The following KNTC1 variants were observed in gnomAD, a reference collection of about 807,000 sequenced individuals.
KNTC1 encodes the protein kinetochore-associated protein 1.
In KNTC1, 253 loss-of-function variants were observed where a neutral mutation model predicts 314.4. The ratio of observed to expected loss-of-function variants is 0.80; its 90% CI spans 0.73 to 0.89. The LOEUF (loss-of-function observed/expected upper bound fraction) is 0.89. Among genes scored for constraint, KNTC1 ranks in the 40% least tolerant of loss-of-function variants. KNTC1 has a pLI of 0.00. For missense variants in KNTC1, 2,475 were observed against 2,572.9 expected, an observed-to-expected ratio of 0.96 and a Z score of 0.82; for synonymous variants, 901 against 901.4, an observed-to-expected ratio of 1.00 and a Z score of 0.01.
intron 16 of KNTC1, among the ~76,000 whole-genome samples, chr12:122,553,127 A>G (rs890392926): frequency 1.3e-5 from 2 of 150,698 alleles, no homozygotes; most frequent in African/African-American, 2.5e-5. Flanking sequence ...ACTGCATTCT[A>G]TCCTGGGCAA....
intron 17 of KNTC1, 22 bp downstream of exon 17, chr12:122,557,531 C>G: frequency 6.2e-7 from 1 of 1,612,536 alleles, no homozygotes; most frequent in Non-Finnish European, 8.5e-7. Flanking sequence ...TTGTCACATA[C>G]TACAGTATTT....
intron 51 of KNTC1, among the ~76,000 whole-genome samples, chr12:122,606,460 C>T (rs1174384545): frequency 3.3e-5 from 5 of 151,958 alleles, no homozygotes; most frequent in African/African-American, 7.2e-5. Context: ...TCAGGTGATC[C>T]GCCCGCCTTG....
intron 6 of KNTC1, 58 bp downstream of exon 6, chr12:122,542,185 A>G: frequency 1.7e-6 from 2 of 1,183,078 alleles, no homozygotes; most frequent in Non-Finnish European, 2.3e-6. Context: ...TAGTTTTATT[A>G]ATGTAATAGT....
intron 18 of KNTC1, among the ~76,000 whole-genome samples, chr12:122,558,937 C>G (rs182946279): frequency 1.5e-3 from 230 of 152,248 alleles, no homozygotes; most frequent in African/African-American, 5.1e-3. Context: ...AGTCCCCCAG[C>G]TTCAGGAAAC....
At chr12:122,549,899 C>A in intron 13 of KNTC1, 35 bp downstream of exon 13, 1 of 1,158,432 alleles carries the variant, frequency 8.6e-7, no homozygotes, top group South Asian at 1.3e-5. Context: ...ATTCTTTTAA[C>A]TACTTTTTTC....
Position 122,572,985 on chromosome 12 carries a change from A to G in KNTC1, c.2068A>G (p.Asn690Asp), listed in dbSNP as rs1565971414. Residue 690 changes from asparagine (N) to aspartate (D), a missense_variant, in exon 25 of 64, where the codon AAT becomes GAT. Transcript: ENST00000333479. ...AGTATGTCAGCTAAGGACTTTGGTA[A>G]ATAACTTGCGAGAGTTGATCACGTT... ...EEVCQLRTLV[N>D]NLRELITLHR... is the part of the protein sequence containing the mutation. 1 of 1,607,194 alleles carries G rather than the reference A, an allele frequency of 6.2e-7. No homozygotes were observed. The highest frequency in any genetic ancestry group is 2.2e-5 in the East Asian group (1 of 44,792).
At chr12:122,574,554 T>G (rs1427577208) in intron 27 of KNTC1, among the ~76,000 whole-genome samples, 174 bp downstream of exon 27, 2 of 152,190 alleles carry the variant, frequency 1.3e-5, no homozygotes, top group Non-Finnish European at 2.9e-5. Context: ...TCAATCTCCC[T>G]GGCTCAAGCA....
Position 122,615,178 on chromosome 12 carries a change from A to G in KNTC1, c.5973+92A>G. Reference sequence around the variant, plus strand: ...TTTGGATTGATACTTGTTATGGAACAGATTTATGCTGAAAACACAGTCACT... The same window carrying G: ...TTTGGATTGATACTTGTTATGGAACGGATTTATGCTGAAAACACAGTCACT... On this transcript the variant is annotated intron_variant, in intron 56 of 63. Transcript: ENST00000333479. 3 of 951,510 alleles carry G rather than the reference A, an allele frequency of 3.2e-6. No homozygotes were observed. In the South Asian group the frequency reaches 4.6e-5, roughly 15 times the overall value. The allele number at this position is 951,510 out of a possible 1,614,324, so 58.9% of individuals were successfully genotyped here.
At chr12:122,531,977 C>T (rs1961368669) in intron 2 of KNTC1, among the ~76,000 whole-genome samples, 1 of 151,610 alleles carries the variant, frequency 6.6e-6, no homozygotes, top group African/African-American at 2.4e-5. Context: ...TCGTGATCCG[C>T]CCGGCTCGGC....
chr12:122,615,890 A>G (rs1283531319), intron 57 of KNTC1, among the ~76,000 whole-genome samples: 1 of 152,184 alleles, frequency 6.6e-6, no homozygotes, highest in Admixed American at 6.5e-5. Flanking sequence ...TCCTGAAGAT[A>G]CTGTTTTCCT....
chr12:122,544,050 C>CAA (rs34718872), intron 7 of KNTC1, 109 bp from the exon 8 acceptor site: 758 of 328,042 alleles, frequency 2.3e-3, no homozygotes, highest in East Asian at 2.6e-3. Flanking sequence ...ACTCTGTCTC[C>CAA]AAAAAAAAAA....
chr12:122,543,663 T>TA (rs35450849), intron 7 of KNTC1, 29 bp downstream of exon 7: 24 of 1,385,634 alleles, frequency 1.7e-5, no homozygotes, highest in East Asian at 5.0e-5. Flanking sequence ...ATTGTCCTCT[T>TA]AAAAAAATTA....
At chr12:122,602,310 G>C (rs1872031146) in intron 45 of KNTC1, 1 of 296,832 alleles carries the variant, frequency 3.4e-6, no homozygotes. Flanking sequence ...GCAGATAACT[G>C]TCAAGCTCTT....
At chr12:122,561,813 A>T in intron 18 of KNTC1, 108 bp from the exon 19 acceptor site, 1 of 816,490 alleles carries the variant, frequency 1.2e-6, no homozygotes, top group Non-Finnish European at 1.9e-6. Flanking sequence ...TTTCACACTT[A>T]AATGCAATTT....
chr12:122,583,635 G>A (rs1868767757), intron 34 of KNTC1, among the ~76,000 whole-genome samples: 1 of 152,098 alleles, frequency 6.6e-6, no homozygotes, highest in South Asian at 2.1e-4. Flanking sequence ...AGACCAGCCT[G>A]GCCAACACAG....
rs71085821 is a variant in KNTC1 at position 122,554,064 on chromosome 12, TAAA to T, written c.1272+2379_1272+2381del. On this transcript the variant is annotated intron_variant, in intron 16 of 63. Transcript: ENST00000333479. ...GTTTTAAACATACAGAATACTTCCT[TAAA>T]AAAAAAAAAATATATATATATATAT... 3.7e-3 allele frequency among the ~76,000 whole-genome samples: 450 copies of T among 122,546 alleles called. 6 individuals are homozygous for T. Among genetic ancestry groups the T allele is most frequent in the African/African-American group, 0.013 (382 of 30,534 alleles). 80.4% of individuals were successfully genotyped at this position (122,546 alleles called of 152,430 possible). A position where few individuals can be genotyped will look rare whatever the true frequency, so the allele number is the denominator to read the frequency against.
At chr12:122,593,811 G>A (rs1292604161) in intron 42 of KNTC1, 1 of 155,188 alleles carries the variant, frequency 6.4e-6, no homozygotes, top group Non-Finnish European at 1.4e-5. Flanking sequence ...TTTCCATGTT[G>A]GCCAAGCTGG....
chr12:122,550,775 T>A (rs1397929532), intron 13 of KNTC1, among the ~76,000 whole-genome samples: 5 of 152,216 alleles, frequency 3.3e-5, no homozygotes, highest in Non-Finnish European at 7.3e-5. Flanking sequence ...ATTGTTAATA[T>A]TACATGTGTG....
At chr12:122,568,830 C>T (rs113046517) in intron 21 of KNTC1, among the ~76,000 whole-genome samples, 11,376 of 150,582 alleles carry the variant, frequency 0.076, 560 homozygotes, top group Middle Eastern at 0.13. Context: ...AGTGAGACTC[C>T]GTCCCAAAAA....
Sources: gnomAD v4.1 joint callset for allele counts (sites outside exome capture counted in the v4.1 genomes callset) on GRCh38, gnomAD v4.1.1 for gene constraint, MANE v1.5 for transcripts, NCBI Gene and HGNC (gene_info 2026-07-23, HGNC 2026-07-21) for gene names.